The following GPN1 variants were observed in gnomAD, a reference collection of about 807,000 sequenced individuals.
The protein encoded by GPN1 is GPN-loop GTPase 1.
A neutral mutation model predicts 55.9 loss-of-function variants in GPN1; 44 were observed. The ratio of observed to expected loss-of-function variants is 0.79; its 90% confidence interval spans 0.62 to 1.01. The LOEUF is 1.01. Ranked by LOEUF, GPN1 falls within the 50% of genes least tolerant of loss-of-function variation. GPN1 has a pLI of 0.00. For missense variants in GPN1, 466 were observed against 462.8 expected (o/e 1.01, Z -0.06); for synonymous variants, 179 against 162.5 (o/e 1.10, Z -0.77).
rs1315912930 is a variant in GPN1, at chr2:27,638,967, C to T, written c.653C>T (p.Thr218Ile). The change falls in exon 9 of 14, where the codon ACA becomes ATA. Residue 218 changes from threonine to isoleucine, a missense_variant. Transcript: ENST00000610189. Reference sequence around the variant, plus strand: ...CAAGATGCCTTGAATCAAGAGACTACATACGTCAGTAACCTGACTCGTTCA... The same window carrying T: ...CAAGATGCCTTGAATCAAGAGACTATATACGTCAGTAACCTGACTCGTTCA... ...AFQDALNQET[T>I]YVSNLTRSMS... 2 of 1,613,170 alleles carry T rather than the reference C, an allele frequency of 1.2e-6. No individual in the cohort carries two copies. The highest frequency in any genetic ancestry group is 1.7e-6 in the Non-Finnish European group (2 of 1,179,126).
intron 13 of GPN1, among the ~76,000 whole-genome samples, chr2:27,649,174 G>A (rs1197393187): frequency 6.6e-6 from 1 of 151,728 alleles, no homozygotes; most frequent in East Asian, 2.0e-4. Context: ...GAACCTGGGA[G>A]GCGGAGGCTG....
upstream of GPN1, chr2:27,628,357 C>T (rs1673369127): frequency 6.6e-7 from 1 of 1,521,684 alleles, no homozygotes; most frequent in South Asian, 1.2e-5. Context: ...CCTTCAGTGA[C>T]TGGAGGGGAG....
At chr2:27,646,843 G>C (rs1393283670) in intron 12 of GPN1, among the ~76,000 whole-genome samples, 1 of 152,022 alleles carries the variant, frequency 6.6e-6, no homozygotes, top group Non-Finnish European at 1.5e-5. Context: ...AACGGACTGG[G>C]TTTACCAGTT....
chr2:27,650,158 G>T lies in GPN1; in HGVS notation c.1083G>T (p.Met361Ile), dbSNP rs982983620. Residue 361 changes from methionine to isoleucine, a missense_variant, in exon 14 of 14, where the codon ATG (methionine) becomes ATT (isoleucine). Transcript: ENST00000610189. ...AAGAGCCAGCATTCCAGAATTTTAT[G>T]CAAGAATCGATGGCACAATACTGGA... Reference protein sequence around the residue: ...SHEEPAFQNFMQESMAQYWKR... With the variant: ...SHEEPAFQNFIQESMAQYWKR... 7.5e-6 allele frequency: 12 copies of T among 1,608,150 alleles called. No homozygotes were observed. The highest frequency in any genetic ancestry group is 3.3e-5 in the Admixed American group (2 of 59,986).
intron 13 of GPN1, among the ~76,000 whole-genome samples, chr2:27,649,337 T>C (rs924507726): frequency 2.6e-5 from 4 of 152,192 alleles, no homozygotes; most frequent in African/African-American, 9.6e-5. Context: ...CCTTATTCTT[T>C]AGGCTGGGTT....
chr2:27,633,884 G>A (rs1037859989), intron 5 of GPN1, among the ~76,000 whole-genome samples: 1 of 151,728 alleles, frequency 6.6e-6, no homozygotes, highest in African/African-American at 2.4e-5. Context: ...CCACAGAGTC[G>A]TGTGTTGATA....
chr2:27,631,090 T>G, intron 3 of GPN1, 24 bp downstream of exon 3: 1 of 1,236,250 alleles, frequency 8.1e-7, no homozygotes, highest in Non-Finnish European at 1.2e-6. Context: ...TCTACTTTGG[T>G]CTTGACTCAT....
chr2:27,638,132 T>C (rs1673800792), intron 7 of GPN1, 78 bp from the exon 8 acceptor site: 1 of 786,794 alleles, frequency 1.3e-6, no homozygotes, highest in Admixed American at 1.9e-5. Context: ...GTTCTCTTAC[T>C]TAGTCCCGAC....
chr2:27,641,197 A>T, intron 10 of GPN1, 43 bp from the exon 11 acceptor site: 1 of 1,361,092 alleles, frequency 7.3e-7, no homozygotes. Flanking sequence ...TCAGTAGGAT[A>T]GAGGATTAAG....
upstream of GPN1, chr2:27,628,293 G>A: frequency 1.8e-6 from 2 of 1,137,202 alleles, no homozygotes; most frequent in East Asian, 5.1e-5. Context: ...GGGTGGTCAG[G>A]AGTAGAAATA....
intron 12 of GPN1, among the ~76,000 whole-genome samples, chr2:27,645,988 C>T (rs1674208226): frequency 6.6e-6 from 1 of 151,734 alleles, no homozygotes; most frequent in Admixed American, 6.6e-5. Context: ...CCTCAGCCAC[C>T]CAAAGTACTG....
intron 12 of GPN1, 33 bp from the exon 13 acceptor site, chr2:27,647,803 G>A (rs2148090624): frequency 1.6e-6 from 2 of 1,224,548 alleles, no homozygotes; most frequent in East Asian, 2.3e-5. Flanking sequence ...CCTTTTTGAG[G>A]AGGCATATCA....
In GPN1 at chr2:27,632,654, G is replaced by A. The variant is rs763801319; in HGVS notation, c.334G>A (p.Ala112Thr). 3 of 1,600,648 alleles carry A rather than the reference G, an allele frequency of 1.9e-6. No homozygotes were observed. The highest frequency in any genetic ancestry group is 2.6e-6 in the Non-Finnish European group (3 of 1,167,866). The change falls in exon 5 of 14, where the codon GCC (alanine) becomes ACC (threonine). Residue 112 changes from alanine to threonine, a missense_variant. By Grantham distance (58) the Ala-to-Thr change is moderately conservative. Coordinates refer to ENST00000610189, the MANE Select transcript of GPN1 (RefSeq NM_007266.4). The stretch of plus-strand genomic sequence containing the variant: ...TTAGGTGATGAAATTTATTGAGAAG[G>A]CCCAGAACATGTCCAAGTAAGTGAT... ...FDQVMKFIEKAQNMSKYVLID... is the reference protein window; with the variant it reads ...FDQVMKFIEKTQNMSKYVLID...
upstream of GPN1, chr2:27,628,499 C>T: frequency 6.4e-7 from 1 of 1,551,396 alleles, no homozygotes. Context: ...GTCTGCAACT[C>T]GCGGGAACAA....
At chr2:27,630,163 T>C (rs148060348) in intron 2 of GPN1, among the ~76,000 whole-genome samples, 3,775 of 152,144 alleles carry the variant, frequency 0.025, 71 homozygotes, top group African/African-American at 0.051. Flanking sequence ...GGCAGGCACC[T>C]GTAATTCCAG....
chr2:27,642,361 C>G (rs1240052625), intron 11 of GPN1, 68 bp from the exon 12 acceptor site: 2 of 908,586 alleles, frequency 2.2e-6, no homozygotes, highest in Non-Finnish European at 3.7e-6. Flanking sequence ...TTCATCTCCA[C>G]TGAGAAGTCT....
At chr2:27,637,218 G>A (rs1474592347) in intron 7 of GPN1, among the ~76,000 whole-genome samples, 1 of 152,072 alleles carries the variant, frequency 6.6e-6, no homozygotes, top group Admixed American at 6.5e-5. Flanking sequence ...ATTATATGCT[G>A]TATTCATATA....
At position 27,629,877 on chromosome 2, in the gene GPN1, C is replaced by T. The variant is rs147867503; in HGVS notation, c.130C>T (p.His44Tyr). The T allele has an allele frequency of 7.0e-5, 113 of 1,603,966 alleles. No homozygotes were observed. The Middle Eastern group carries it at 9.9e-4, about 14-fold the overall frequency. ...TFVQRLTGHL[H>Y]AQGTPPYVIN... is the part of the protein sequence containing the mutation. ...TCTGCAGAGGCTCACAGGACACCTG[C>T]ATGCCCAAGGCACTCCACCGTATGT... The change falls in exon 2 of 14, where the codon CAT (histidine) becomes TAT (tyrosine). Residue 44 changes from histidine to tyrosine, a missense_variant. Physicochemically the swap from His to Tyr is moderately conservative, Grantham distance 83. Transcript: ENST00000610189.
At chr2:27,631,535 T>C (rs1673553352) in intron 3 of GPN1, 1 of 512,838 alleles carries the variant, frequency 1.9e-6, no homozygotes, top group Non-Finnish European at 3.5e-6. Flanking sequence ...GGAGGTGTTA[T>C]ACAGGTGGCC....
Sources: allele counts gnomAD v4.1 joint callset (sites outside exome capture counted in the v4.1 genomes callset), GRCh38; gene constraint gnomAD v4.1.1; transcripts MANE v1.5; gene names NCBI Gene and HGNC (gene_info 2026-07-23, HGNC 2026-07-21).